Variants in ROCK1 observed in about 807,000 individuals in gnomAD.
ROCK1 encodes the protein Rho associated coiled-coil containing protein kinase 1, also known as rho-associated protein kinase 1.
Under a neutral mutation model 196.8 loss-of-function variants are expected in ROCK1, and 36 were observed. The observed-to-expected ratio is 0.18, with a 90% confidence interval of 0.14 to 0.24. The LOEUF (loss-of-function observed/expected upper bound fraction) is 0.24. Among genes scored for constraint, ROCK1 ranks in the 10% least tolerant of loss-of-function variants. The pLI, the probability that ROCK1 is intolerant of heterozygous loss-of-function variation, is 1.00. For synonymous variants in ROCK1, 443 were observed against 515.9 expected (o/e 0.86, Z 1.91); for missense variants, 920 against 1,562.0 (o/e 0.59, Z 6.93).
At chr18:20,993,082 A>G (rs551061025) in intron 16 of ROCK1, 145 bp from the exon 17 acceptor site, 5 of 572,888 alleles carry the variant, frequency 8.7e-6, no homozygotes, top group African/African-American at 7.5e-5. Flanking sequence ...TTTCACAATA[A>G]ACACAAGATA....
rs964060622 is a variant in ROCK1 at position 21,018,549 on chromosome 18, T to A, written c.1361+1602A>T. On this transcript the variant is annotated intron_variant, in intron 12 of 32. Transcript: ENST00000399799. ...TCGTCTCAAAAAAAAAAAAAAAAAA[T>A]TTGGATGTAGAGACTTCCCAACATT... 2.0e-5 allele frequency among the ~76,000 whole-genome samples: 3 copies of A among 150,560 alleles called. No homozygotes were observed. In the East Asian group the frequency reaches 5.8e-4, roughly 29 times the overall value.
At chr18:21,089,724 C>G (rs1002672074) in intron 1 of ROCK1, among the ~76,000 whole-genome samples, 1 of 152,130 alleles carries the variant, frequency 6.6e-6, no homozygotes, top group Non-Finnish European at 1.5e-5. Flanking sequence ...TAACACAAAG[C>G]CTATTTTATA....
At chr18:20,999,813 G>C (rs2035706992) in intron 16 of ROCK1, among the ~76,000 whole-genome samples, 1 of 152,144 alleles carries the variant, frequency 6.6e-6, no homozygotes, top group South Asian at 2.1e-4. Context: ...TTTTTGTAGA[G>C]ACAGGCTTCG....
chr18:21,001,130 T>C (rs2035720437), intron 16 of ROCK1, among the ~76,000 whole-genome samples: 1 of 152,158 alleles, frequency 6.6e-6, no homozygotes. Flanking sequence ...TGCTACAATA[T>C]AGATGAACCT....
In ROCK1 at chr18:20,962,628, T is replaced by C. The variant is rs533905164; in HGVS notation, c.3353-2422A>G. Among the ~76,000 whole-genome samples, 27 of 152,160 alleles carry C rather than the reference T, an allele frequency of 1.8e-4. 1 individual carries two copies. The highest frequency in any genetic ancestry group is 1.2e-3 in the Admixed American group (19 of 15,262). On this transcript the variant is annotated intron_variant, in intron 27 of 32. Coordinates refer to ENST00000399799, the MANE Select transcript of ROCK1 (RefSeq NM_005406.3). ...ATTTCAGTGTTCCTTAGAAATTTTA[T>C]ATATCAAGGGAATCTTATGAGTCAA...
At chr18:21,101,487 C>T (rs1045320433) in intron 1 of ROCK1, among the ~76,000 whole-genome samples, 9 of 152,136 alleles carry the variant, frequency 5.9e-5, no homozygotes, top group Non-Finnish European at 1.2e-4. Flanking sequence ...GCTTTTAGAT[C>T]TAACTACCAT....
Position 20,983,178 on chromosome 18 carries a change from A to G in ROCK1, c.2490-346T>C, listed in dbSNP as rs143940217. Among the ~76,000 whole-genome samples the G allele has an allele frequency of 4.9e-4, 75 of 151,556 alleles. 2 individuals carry two copies. The South Asian group carries it at 0.016, about 32-fold the overall frequency. On this transcript the variant is annotated intron_variant, in intron 20 of 32. Transcript: ENST00000399799. ...GAGAAAAGCAGTCATAGGGAAGAAAATGTCTTGTACAGTAAATAAAAAAAG... is the reference window on the plus strand; with the variant it reads ...GAGAAAAGCAGTCATAGGGAAGAAAGTGTCTTGTACAGTAAATAAAAAAAG...
chr18:21,045,426 C>G lies in ROCK1; in HGVS notation c.456G>C (p.Val152=), dbSNP rs371301115. The G allele has an allele frequency of 9.3e-6, 15 of 1,612,620 alleles. No homozygotes were observed. In the African/African-American group the frequency reaches 2.0e-4, roughly 22 times the overall value. ...GATCTCCACCAGGCATGTATTCCAT[C>G]ACCATGTAGAGATAACGATCATCTT... ...AFQDDRYLYM[V]MEYMPGGDLV... The change falls in exon 5 of 33, where the codon GTG becomes GTC. Residue 152 remains valine, a synonymous_variant. Coordinates refer to ENST00000399799, the MANE Select transcript of ROCK1 (RefSeq NM_005406.3).
Position 20,967,740 on chromosome 18 carries a change from C to T in ROCK1, c.3192+12G>A. On this transcript the variant is annotated intron_variant, in intron 26 of 32. Transcript: ENST00000399799. ...CTTCACACTCATATCCATACACACA[C>T]AGAAACCTTACCGCTTGCATGTCAT... The T allele has an allele frequency of 1.3e-6, 2 of 1,576,078 alleles. No individual in the cohort carries two copies. The highest frequency in any genetic ancestry group is 1.4e-5 in the African/African-American group (1 of 73,114).
intron 2 of ROCK1, among the ~76,000 whole-genome samples, chr18:21,063,851 T>C (rs1267112600): frequency 1.3e-5 from 2 of 152,232 alleles, no homozygotes; most frequent in African/African-American, 2.4e-5. Flanking sequence ...TCTGCACTTA[T>C]CAGTCTTTTC....
Position 20,951,021 on chromosome 18 carries a change from T to C in ROCK1, c.*363A>G, listed in dbSNP as rs1482694637. Reference sequence around the variant, plus strand: ...ATCTTGATAGTGATGGCTGTTCCACTTGAAAGTGAAAGTCCCTTCCTCTTA... The same window carrying C: ...ATCTTGATAGTGATGGCTGTTCCACCTGAAAGTGAAAGTCCCTTCCTCTTA... On this transcript the variant is annotated 3_prime_UTR_variant, in exon 33 of 33. Coordinates refer to ENST00000399799, the MANE Select transcript of ROCK1 (RefSeq NM_005406.3). 2.1e-5 allele frequency: 4 copies of C among 189,500 alleles called. No individual in the cohort carries two copies. Among genetic ancestry groups the C allele is most frequent in the Non-Finnish European group, 4.3e-5 (4 of 92,700 alleles). The allele number at this position is 189,500 out of a possible 1,614,324, so 11.7% of individuals were successfully genotyped here. A position where few individuals can be genotyped will look rare whatever the true frequency, so the allele number is the denominator to read the frequency against.
In ROCK1 at chr18:21,006,363, C is replaced by T; in HGVS notation, c.1873G>A (p.Gly625Arg). Residue 625 changes from glycine to arginine, a missense_variant, in exon 16 of 33, where the codon GGA becomes AGA. By Grantham distance (125) the Gly-to-Arg change is moderately radical (BLOSUM62 -2). This residue lies in a region of ROCK1 where 520 missense variants were observed against 657.1 expected (regional missense o/e 0.79). Coordinates refer to ENST00000399799, the MANE Select transcript of ROCK1 (RefSeq NM_005406.3). Reference sequence around the variant, plus strand: ...GAAAAAATATTACCTTGAAGGTCTCCAATCATCTCAGAATCATGACCTCTG... The same window carrying T: ...GAAAAAATATTACCTTGAAGGTCTCTAATCATCTCAGAATCATGACCTCTG... ...RDRGHDSEMIGDLQARITSLQ... is the reference protein window; with the variant it reads ...RDRGHDSEMIRDLQARITSLQ... The T allele has an allele frequency of 6.2e-7, 1 of 1,611,262 alleles. No individual in the cohort carries two copies. The highest frequency in any genetic ancestry group is 8.5e-7 in the Non-Finnish European group (1 of 1,179,452).
intron 20 of ROCK1, 64 bp downstream of exon 20, chr18:20,984,286 CA>C: frequency 8.1e-7 from 1 of 1,233,054 alleles, no homozygotes; most frequent in Admixed American, 2.2e-5. Context: ...TGTAAAATGT[CA>C]AACACACAAG....
intron 15 of ROCK1, 42 bp downstream of exon 15, chr18:21,006,657 T>A: frequency 6.3e-7 from 1 of 1,582,278 alleles, no homozygotes; most frequent in Non-Finnish European, 8.5e-7. Flanking sequence ...AATTTAATTA[T>A]CTACAATTTT....
Position 20,959,164 on chromosome 18 carries a change from T to TTATATAATATATATAATATTA in ROCK1, c.3512+655_3512+675dup, listed in dbSNP as rs1269004051. Among the ~76,000 whole-genome samples, 32 of 72,748 alleles carry TTATATAATATATATAATATTA rather than the reference T, an allele frequency of 4.4e-4. 1 individual carries two copies. The highest frequency in any genetic ancestry group is 1.6e-3 in the African/African-American group (24 of 15,392). The allele number at this position is 72,748 out of a possible 152,430, so 47.7% of individuals were successfully genotyped here. ...TTATATAAAATATATATATTATATATTATATAATATATATAATATTATATA... is the reference window on the plus strand; with the variant it reads ...TTATATAAAATATATATATTATATATTATATAATATATATAATATTATATATAATATATATAATATTATATA... On this transcript the variant is annotated intron_variant, in intron 29 of 32. Transcript: ENST00000399799.
intron 26 of ROCK1, among the ~76,000 whole-genome samples, 191 bp downstream of exon 26, chr18:20,967,561 T>A (rs2035385800): frequency 6.6e-6 from 1 of 152,180 alleles, no homozygotes; most frequent in South Asian, 2.1e-4. Flanking sequence ...TAAGCTACAA[T>A]ACTTCAAAAC....
intron 16 of ROCK1, among the ~76,000 whole-genome samples, chr18:21,002,123 C>A (rs564229802): frequency 1.3e-5 from 2 of 152,232 alleles, no homozygotes; most frequent in South Asian, 4.1e-4. Context: ...CTACCTCTGT[C>A]CATTAAAATC....
At chr18:20,992,473 C>G (rs116590362) in intron 17 of ROCK1, among the ~76,000 whole-genome samples, 1 of 152,182 alleles carries the variant, frequency 6.6e-6, no homozygotes, top group African/African-American at 2.4e-5. Context: ...TCATCTACCA[C>G]GTACTGATCT....
In ROCK1 at chr18:20,967,830, T is replaced by G; in HGVS notation, c.3114A>C (p.Gln1038His). The change falls in exon 26 of 33, where the codon CAA (glutamine) becomes CAC (histidine). Residue 1038 changes from glutamine to histidine, a missense_variant. This residue lies in a region of ROCK1 where 116 missense variants were observed against 204.2 expected (regional missense o/e 0.57). Transcript: ENST00000399799. ...RKKEKENRKL[Q>H]LELNQEREKF... ...TCTCTCTTTCTTGGTTGAGTTCCAG[T>G]TGCAGCTTTCGATTTTCCTTTTCTT... is the stretch of plus-strand genomic sequence containing the variant. 1 of 1,611,246 alleles carries G rather than the reference T, an allele frequency of 6.2e-7. No individual in the cohort carries two copies. Among genetic ancestry groups the G allele is most frequent in the Non-Finnish European group, 8.5e-7 (1 of 1,178,934 alleles).
Sources: gnomAD v4.1 joint callset for allele counts (sites outside exome capture counted in the v4.1 genomes callset) on GRCh38, gnomAD v4.1.1 for gene constraint, gnomAD v4.1.1 regional missense constraint, MANE v1.5 for transcripts, NCBI Gene and HGNC (gene_info 2026-07-23, HGNC 2026-07-21) for gene names.